The following MPDZ variants were observed in gnomAD, a reference collection of about 807,000 sequenced individuals.
MPDZ encodes the protein multiple PDZ domain crumbs cell polarity complex component.
Under a neutral mutation model 239.1 loss-of-function variants are expected in MPDZ, and 234 were observed. The observed-to-expected ratio is 0.98, with a 90% CI of 0.88 to 1.09. The LOEUF (loss-of-function observed/expected upper bound fraction) is 1.09. Among genes scored for constraint, MPDZ ranks in the 50% least tolerant of loss-of-function variants. The pLI, the probability that MPDZ is intolerant of heterozygous loss-of-function variation, is 0.00. For missense variants in MPDZ, 3,175 were observed against 2,510.0 expected (o/e 1.26, Z -5.66); for synonymous variants, 1,048 against 881.3 (o/e 1.19, Z -3.35).
At chr9:13,231,522 C>A (rs1303047730) in intron 3 of MPDZ, among the ~76,000 whole-genome samples, 3 of 151,966 alleles carry the variant, frequency 2.0e-5, no homozygotes, top group Non-Finnish European at 4.4e-5. Flanking sequence ...AGCCACTGTA[C>A]TCCAGCCTGG....
intron 3 of MPDZ, among the ~76,000 whole-genome samples, chr9:13,229,620 C>A (rs1961773169): frequency 6.6e-6 from 1 of 150,972 alleles, no homozygotes; most frequent in African/African-American, 2.4e-5. Flanking sequence ...ATCCACCCCA[C>A]ACACAATTAC....
chr9:13,239,134 T>C (rs555414670), intron 3 of MPDZ, among the ~76,000 whole-genome samples: 2 of 152,252 alleles, frequency 1.3e-5, no homozygotes, highest in East Asian at 3.9e-4. Flanking sequence ...ATAAATATCA[T>C]TACCAGAATA....
intron 24 of MPDZ, among the ~76,000 whole-genome samples, chr9:13,156,148 T>A (rs1005108363): frequency 6.6e-6 from 1 of 152,168 alleles, no homozygotes; most frequent in East Asian, 1.9e-4. Flanking sequence ...GCTAAGGATT[T>A]TAGATGACAC....
chr9:13,181,098 C>T (rs1347707660), intron 19 of MPDZ, among the ~76,000 whole-genome samples: 2 of 152,092 alleles, frequency 1.3e-5, no homozygotes, highest in African/African-American at 4.8e-5. Flanking sequence ...TTTGTTCATA[C>T]CCTGTTGCCA....
chr9:13,243,293 A>C (rs1347589236), intron 3 of MPDZ, among the ~76,000 whole-genome samples: 3 of 151,956 alleles, frequency 2.0e-5, no homozygotes, highest in African/African-American at 7.3e-5. Context: ...GAGATAACCC[A>C]CCCATTGCCA....
rs1564192632 is a variant in MPDZ at position 13,279,300 on chromosome 9, A to ATCCCCGCCCCCACCCCCACCCCCGC, written c.-58+99_-58+100insGCGGGGGTGGGGGTGGGGGCGGGGA. The ATCCCCGCCCCCACCCCCACCCCCGC allele has an allele frequency of 1.4e-4, 16 of 115,828 alleles. 2 individuals are homozygous for ATCCCCGCCCCCACCCCCACCCCCGC. The highest frequency in any genetic ancestry group is 4.7e-4 in the African/African-American group (15 of 31,902). The allele number at this position is 115,828 out of a possible 1,614,324, so 7.2% of individuals were successfully genotyped here. On this transcript the variant is annotated intron_variant, in intron 1 of 46. Transcript: ENST00000319217. ...ATCCCCGCCCCCACCCCCACCCCCA[A>ATCCCCGCCCCCACCCCCACCCCCGC]GCGCCGAGCCCAGGGCGCCCGCGCA...
chr9:13,192,602 G>C (rs1005052325), intron 14 of MPDZ, among the ~76,000 whole-genome samples: 5 of 151,832 alleles, frequency 3.3e-5, no homozygotes, highest in Non-Finnish European at 7.4e-5. Flanking sequence ...AGGACAAGGA[G>C]AAGAATAGTA....
intron 1 of MPDZ, among the ~76,000 whole-genome samples, chr9:13,273,804 G>A (rs1174172961): frequency 1.3e-5 from 2 of 152,102 alleles, no homozygotes; most frequent in Non-Finnish European, 2.9e-5. Flanking sequence ...ATTTTAAGCA[G>A]AAATCAAAAT....
intron 22 of MPDZ, chr9:13,165,361 A>G: frequency 1.0e-5 from 16 of 1,549,498 alleles, no homozygotes; most frequent in Non-Finnish European, 1.4e-5. Flanking sequence ...AATCACTGAT[A>G]CTCACACATA....
Position 13,206,554 on chromosome 9 carries a change from A to AT in MPDZ, c.1291-456dup, listed in dbSNP as rs576650722. Among the ~76,000 whole-genome samples, 293 of 138,784 alleles carry AT rather than the reference A, an allele frequency of 2.1e-3. 1 individual carries two copies. Among genetic ancestry groups the AT allele is most frequent in the East Asian group, 6.9e-3 (33 of 4,758 alleles). The allele number at this position is 138,784 out of a possible 152,430, so 91.0% of individuals were successfully genotyped here. A position where few individuals can be genotyped will look rare whatever the true frequency, so the allele number is the denominator to read the frequency against. ...CATGCACACACCACCACACGTGGCT[A>AT]TTTTTTTTTTTTTTCTTTCTCACTC... is the stretch of plus-strand genomic sequence containing the variant. On this transcript the variant is annotated intron_variant, in intron 10 of 46. Transcript: ENST00000319217.
In MPDZ at chr9:13,113,973, T is replaced by C. The variant is rs756371450; in HGVS notation, c.5515A>G (p.Ser1839Gly). 1.8e-5 allele frequency: 28 copies of C among 1,599,094 alleles called. No homozygotes were observed. The highest frequency in any genetic ancestry group is 2.3e-5 in the Non-Finnish European group (27 of 1,172,348). The change falls in exon 41 of 47, where the codon AGT (serine) becomes GGT (glycine). Residue 1839 changes from serine (S) to glycine (G), a missense_variant. Coordinates refer to ENST00000319217, the MANE Select transcript of MPDZ (RefSeq NM_001378778.1). ...CTACTTTCCAGTGACTCAGATGTAC[T>C]GGATCCAGAGAGTGGAAAAGTGAAA... is the stretch of plus-strand genomic sequence containing the variant. ...SSFTFPLSGS[S>G]TSESLESSSK... is the part of the protein sequence containing the mutation.
chr9:13,161,831 C>T (rs1323992483), intron 23 of MPDZ, among the ~76,000 whole-genome samples: 2 of 152,122 alleles, frequency 1.3e-5, no homozygotes, highest in Non-Finnish European at 2.9e-5. Flanking sequence ...AAAAAGAAAA[C>T]GTTCCCTTTA....
intron 8 of MPDZ, among the ~76,000 whole-genome samples, chr9:13,217,802 A>T (rs899159999): frequency 1.4e-4 from 22 of 151,820 alleles, no homozygotes; most frequent in Admixed American, 2.0e-4. Context: ...GTAACTCAGG[A>T]TTAAGACTCT....
intron 22 of MPDZ, among the ~76,000 whole-genome samples, chr9:13,163,549 C>A (rs1352240659): frequency 1.3e-5 from 2 of 152,140 alleles, no homozygotes. Context: ...AATGAAAATT[C>A]AAGTCTACTG....
At chr9:13,271,690 T>C (rs908307656) in intron 1 of MPDZ, among the ~76,000 whole-genome samples, 10 of 152,224 alleles carry the variant, frequency 6.6e-5, no homozygotes, top group Admixed American at 3.9e-4. Flanking sequence ...AAGAGTAAAA[T>C]TTTTCCTCCC....
At chr9:13,278,572 G>A (rs1974784428) in intron 1 of MPDZ, among the ~76,000 whole-genome samples, 1 of 152,208 alleles carries the variant, frequency 6.6e-6, no homozygotes, top group African/African-American at 2.4e-5. Flanking sequence ...AAGACACAAA[G>A]CGTCTCCCAA....
In MPDZ at chr9:13,167,132, A is replaced by G. The variant is rs188225597; in HGVS notation, c.3254+1234T>C. ...CACATAAACTAAAACCCTGCGATAA[A>G]TACATAGTCTCCACATGATCTAGTC... On this transcript the variant is annotated intron_variant, in intron 22 of 46. Transcript: ENST00000319217. 1.5e-3 allele frequency among the ~76,000 whole-genome samples: 233 copies of G among 152,260 alleles called. 1 individual carries two copies. Among genetic ancestry groups the G allele is most frequent in the African/African-American group, 5.4e-3 (226 of 41,564 alleles).
At chr9:13,230,926 T>C (rs1046546316) in intron 3 of MPDZ, among the ~76,000 whole-genome samples, 1 of 151,622 alleles carries the variant, frequency 6.6e-6, no homozygotes, top group African/African-American at 2.4e-5. Context: ...AAAGACAAAA[T>C]GTCAATGAGC....
At chr9:13,274,007 A>G (rs1973600855) in intron 1 of MPDZ, among the ~76,000 whole-genome samples, 1 of 152,150 alleles carries the variant, frequency 6.6e-6, no homozygotes, top group South Asian at 2.1e-4. Context: ...CTATTGATCA[A>G]CAGCTGCTCT....
Sources: allele counts gnomAD v4.1 joint callset (sites outside exome capture counted in the v4.1 genomes callset), GRCh38; gene constraint gnomAD v4.1.1; transcripts MANE v1.5; gene names NCBI Gene and HGNC (gene_info 2026-07-23, HGNC 2026-07-21).